CHAT: variants seen among roughly 807,000 people sequenced by gnomAD.
The protein encoded by CHAT is acetyl CoA:choline O-acetyltransferase.
CHAT carries 61 observed loss-of-function variants against 76.9 expected under a neutral mutation model. The ratio of observed to expected loss-of-function variants is 0.79; its 90% CI spans 0.65 to 0.98. The LOEUF is 0.98. CHAT is among the 50% of genes least tolerant of loss of function. CHAT has a pLI of 0.00. For missense variants in CHAT, 946 were observed against 986.9 expected, an observed-to-expected ratio of 0.96 and a Z score of 0.56; for synonymous variants, 407 against 397.4, an observed-to-expected ratio of 1.02 and a Z score of -0.29.
chr10:49,613,111 GC>G (rs1838345164), upstream of CHAT: 1 of 152,286 alleles, frequency 6.6e-6, no homozygotes, highest in Admixed American at 6.5e-5. Flanking sequence ...CCAGAATCCC[GC>G]CCCGTTGAGG....
At position 49,649,532 on chromosome 10, in the gene CHAT, C is replaced by T; in HGVS notation, c.1407C>T (p.Ile469=). The change falls in exon 10 of 15, where the codon ATC becomes ATT. Residue 469 remains isoleucine, a synonymous_variant. Coordinates refer to ENST00000337653, the MANE Select transcript of CHAT (RefSeq NM_020549.5). ...KHVTQSSRKL[I]RADSVSELPA... ...GGACGCAGAGCAGCAGGAAGCTGAT[C>T]CGAGCAGACTCCGTCAGCGAGCTCC... 6.2e-7 allele frequency: 1 copy of T among 1,613,862 alleles called. No homozygotes were observed. The highest frequency in any genetic ancestry group is 8.5e-7 in the Non-Finnish European group (1 of 1,180,042).
Position 49,666,236 on chromosome 10 carries a change from C to G in CHAT, c.*1190C>G, listed in dbSNP as rs1840336724. ...CAGCCTCCTCCAGAGTCAGCCCCAG[C>G]CCCAGCCCCAGCTCCAGCTCCAGCC... On this transcript the variant is annotated 3_prime_UTR_variant, in exon 15 of 15. Transcript: ENST00000337653. Among the ~76,000 whole-genome samples, 1 of 152,068 alleles carries G rather than the reference C, an allele frequency of 6.6e-6. No homozygotes were observed. Among genetic ancestry groups the G allele is most frequent in the Non-Finnish European group, 1.5e-5 (1 of 68,008 alleles).
intron 4 of CHAT, 130 bp from the exon 5 acceptor site, chr10:49,621,967 G>T: frequency 1.1e-6 from 1 of 926,408 alleles, no homozygotes; most frequent in Non-Finnish European, 1.7e-6. Flanking sequence ...GAGGGAGGAG[G>T]GAGGGAGAAG....
intron 7 of CHAT, among the ~76,000 whole-genome samples, chr10:49,641,753 G>A (rs1839488810): frequency 6.6e-6 from 1 of 152,206 alleles, no homozygotes; most frequent in Non-Finnish European, 1.5e-5. Flanking sequence ...CTGTGAGAAG[G>A]GGGATGGGCA....
chr10:49,647,503 G>T (rs913747044), intron 8 of CHAT, among the ~76,000 whole-genome samples: 3 of 152,194 alleles, frequency 2.0e-5, no homozygotes, highest in Non-Finnish European at 4.4e-5. Context: ...AGCATATCTA[G>T]ACAACACCTC....
At chr10:49,656,991 C>T (rs1458988846) in intron 13 of CHAT, among the ~76,000 whole-genome samples, 1 of 152,048 alleles carries the variant, frequency 6.6e-6, no homozygotes, top group Non-Finnish European at 1.5e-5. Context: ...TTTTTGAAAG[C>T]CGTAAATACA....
chr10:49,646,820 G>A lies in CHAT; in HGVS notation c.1281+146G>A. The A allele has an allele frequency of 5.7e-6, 5 of 883,342 alleles. No individual in the cohort carries two copies. In the South Asian group the frequency reaches 7.5e-5, roughly 13 times the overall value. The allele number at this position is 883,342 out of a possible 1,614,324, so 54.7% of individuals were successfully genotyped here. A position where few individuals can be genotyped will look rare whatever the true frequency, so the allele number is the denominator to read the frequency against. On this transcript the variant is annotated intron_variant, in intron 8 of 14. Coordinates refer to ENST00000337653, the MANE Select transcript of CHAT (RefSeq NM_020549.5). Reference sequence around the variant, plus strand: ...CTGGTTTCTGCTGCCTAAGAGGCTGGGTCTGAGGGGTCAGGAGAGCTGGAG... The same window carrying A: ...CTGGTTTCTGCTGCCTAAGAGGCTGAGTCTGAGGGGTCAGGAGAGCTGGAG...
At chr10:49,647,154 T>G (rs1482085376) in intron 8 of CHAT, 1 of 194,182 alleles carries the variant, frequency 5.1e-6, no homozygotes, top group African/African-American at 2.3e-5. Flanking sequence ...CATACCTCCC[T>G]CAATCCCTGA....
chr10:49,655,379 T>C lies in CHAT; in HGVS notation c.1777-7T>C. The C allele has an allele frequency of 6.8e-6, 11 of 1,614,138 alleles. No homozygotes were observed. The highest frequency in any genetic ancestry group is 2.2e-5 in the East Asian group (1 of 44,880). On this transcript the variant is annotated splice_region_variant and splice_polypyrimidine_tract_variant and intron_variant, in intron 12 of 14. Transcript: ENST00000337653. ...AACCCCGCGCTGCCTCTGTGTTCTG[T>C]TGACAGGCTTCTGAGAAGCTTCTGC... is the stretch of plus-strand genomic sequence containing the variant.
At chr10:49,612,906 C>A (rs1346452936), upstream of CHAT, among the ~76,000 whole-genome samples, 1 of 152,238 alleles carries the variant, frequency 6.6e-6, no homozygotes, top group African/African-American at 2.4e-5. Context: ...CTGTCACCCA[C>A]GGTCACCAAG....
chr10:49,664,358 G>A (rs866680312), intron 14 of CHAT, among the ~76,000 whole-genome samples: 21 of 152,218 alleles, frequency 1.4e-4, no homozygotes, highest in African/African-American at 4.3e-4. Flanking sequence ...AATCGACACA[G>A]AGGATGGGCC....
upstream of CHAT, chr10:49,614,026 C>A (rs1838375561): frequency 1.6e-6 from 2 of 1,277,782 alleles, no homozygotes; most frequent in African/African-American, 1.5e-5. Flanking sequence ...TGGGGAAGTG[C>A]GGTGACTGGG....
chr10:49,646,743 GC>G (rs1319793007), intron 8 of CHAT, 69 bp downstream of exon 8: 1 of 1,552,070 alleles, frequency 6.4e-7, no homozygotes, highest in African/African-American at 1.4e-5. Flanking sequence ...AGGCAAGCGG[GC>G]ACAGCCTGGT....
Position 49,619,857 on chromosome 10 carries a change from G to A in CHAT, c.520G>A (p.Gly174Ser), listed in dbSNP as rs762497836. The A allele has an allele frequency of 3.1e-6, 5 of 1,613,480 alleles. No individual in the cohort carries two copies. The Admixed American group carries it at 6.7e-5, about 22-fold the overall frequency. The stretch of plus-strand genomic sequence containing the variant: ...TGTGCAGCAGTTTGGGGCCCCTGGT[G>A]GCCTCGGCGAGACCCTGCAGCAGAA... ...AIVQQFGAPG[G>S]LGETLQQKLL... is the part of the protein sequence containing the mutation. Residue 174 changes from glycine (G) to serine (S), a missense_variant, in exon 3 of 15, where the codon GGC (glycine) becomes AGC (serine). Around this residue, in one of 3 missense-constraint regions of CHAT, gnomAD observed 548 missense variants for 516.2 expected, o/e 1.06. Coordinates refer to ENST00000337653, the MANE Select transcript of CHAT (RefSeq NM_020549.5).
chr10:49,610,830 G>A (rs140489850), upstream of CHAT: 34 of 1,608,424 alleles, frequency 2.1e-5, no homozygotes, highest in Non-Finnish European at 2.9e-5. Context: ...AGCCCCGGCG[G>A]CAGAGGCGCC....
In CHAT at chr10:49,666,701, T is replaced by G. The variant is rs1840347763; in HGVS notation, c.*1655T>G. On this transcript the variant is annotated 3_prime_UTR_variant, in exon 15 of 15. Coordinates refer to ENST00000337653, the MANE Select transcript of CHAT (RefSeq NM_020549.5). ...TGAACCCCTGGTTTTAGATGGAGGA[T>G]CTCTATTAGATGTCATGGGAGATTT... is the stretch of plus-strand genomic sequence containing the variant. Among the ~76,000 whole-genome samples the G allele has an allele frequency of 6.6e-6, 1 of 152,136 alleles. No homozygotes were observed. The highest frequency in any genetic ancestry group is 6.5e-5 in the Admixed American group (1 of 15,282).
chr10:49,615,244 G>A (rs963085387), intron 1 of CHAT, among the ~76,000 whole-genome samples: 1 of 152,180 alleles, frequency 6.6e-6, no homozygotes, highest in African/African-American at 2.4e-5. Context: ...CCTTGTCCTT[G>A]CTGTCCTCTC....
upstream of CHAT, chr10:49,612,238 CGTGAGCGTCCTGTGTCTGGCCAGGACG>C (rs1345419405): frequency 3.1e-6 from 5 of 1,609,526 alleles, no homozygotes; most frequent in East Asian, 1.1e-4. Context: ...GGTGCGCCTG[CGTGAGCGTCCTGTGTCTGGCCAGGACG>C]GCGAGCCTCG....
In CHAT at chr10:49,663,635, C is replaced by T. The variant is rs149532312; in HGVS notation, c.1977+853C>T. On this transcript the variant is annotated intron_variant, in intron 14 of 14. Transcript: ENST00000337653. Reference sequence around the variant, plus strand: ...AGAATGCAATCCATTAGAGAGAGGTCGTGGTTTAGGAGGGGAAATGCCCCA... The same window carrying T: ...AGAATGCAATCCATTAGAGAGAGGTTGTGGTTTAGGAGGGGAAATGCCCCA... Among the ~76,000 whole-genome samples, 350 of 152,254 alleles carry T rather than the reference C, an allele frequency of 2.3e-3. 1 individual carries two copies. The highest frequency in any genetic ancestry group is 7.9e-3 in the African/African-American group (330 of 41,542).
Sources: allele counts gnomAD v4.1 joint callset (sites outside exome capture counted in the v4.1 genomes callset), GRCh38; gene constraint gnomAD v4.1.1; regional missense constraint gnomAD v4.1.1; transcripts MANE v1.5; gene names NCBI Gene and HGNC (gene_info 2026-07-23, HGNC 2026-07-21).